The following SLC35E3 variants were observed in gnomAD, a reference collection of about 807,000 sequenced individuals.
SLC35E3 encodes solute carrier family 35 member E3, also known as bladder cancer-overexpressed gene 1 protein.
SLC35E3 carries 28 observed loss-of-function variants against 30.8 expected under a neutral mutation model. That is an observed-to-expected ratio of 0.91 (90% CI 0.67 to 1.25). The LOEUF (loss-of-function observed/expected upper bound fraction) is 1.25. Among genes scored for constraint, SLC35E3 ranks in the 50% most tolerant of loss-of-function variants. The pLI is 0.00. For missense variants in SLC35E3, 365 were observed against 375.4 expected, an observed-to-expected ratio of 0.97 and a Z score of 0.23; for synonymous variants, 146 against 149.2, an observed-to-expected ratio of 0.98 and a Z score of 0.16.
At chr12:68,753,809 T>TACACACACAC (rs1229325376) in intron 3 of SLC35E3, among the ~76,000 whole-genome samples, 22,170 of 148,384 alleles carry the variant, frequency 0.15, 2,016 homozygotes, top group East Asian at 0.28. Flanking sequence ...TATATATCCA[T>TACACACACAC]ACACACACAC....
In SLC35E3 at chr12:68,779,330, TATTTAA is replaced by T. The variant is rs1285307633; in HGVS notation, c.*14448_*14453del. ...AAAAGATTTTTGTTTTCTGTACATT[TATTTAA>T]ATTTAAAAAGTATTTAAGCCATCTT... On this transcript the variant is annotated 3_prime_UTR_variant, in exon 5 of 5. Coordinates refer to ENST00000398004, the MANE Select transcript of SLC35E3 (RefSeq NM_018656.5). 6.6e-6 allele frequency: 1 copy of T among 152,200 alleles called. No individual in the cohort carries two copies. The highest frequency in any genetic ancestry group is 2.4e-5 in the African/African-American group (1 of 41,464). 9.4% of individuals were successfully genotyped at this position (152,200 alleles called of 1,614,324 possible).
intron 3 of SLC35E3, among the ~76,000 whole-genome samples, chr12:68,756,956 A>G (rs1879039612): frequency 1.3e-5 from 2 of 152,242 alleles, no homozygotes; most frequent in Admixed American, 1.3e-4. Context: ...CGGAGCTTGC[A>G]GTGAGCCGAG....
At position 68,768,562 on chromosome 12, in the gene SLC35E3, A is replaced by C. The variant is rs1879518507; in HGVS notation, c.*3672A>C. On this transcript the variant is annotated 3_prime_UTR_variant, in exon 5 of 5. Coordinates refer to ENST00000398004, the MANE Select transcript of SLC35E3 (RefSeq NM_018656.5). ...GAGACAAACCAGATACAGTGCTTTCAAAGAAAACATGCTTGCTGTCCTTTG... is the reference window on the plus strand; with the variant it reads ...GAGACAAACCAGATACAGTGCTTTCCAAGAAAACATGCTTGCTGTCCTTTG... The C allele has an allele frequency of 6.6e-6, 1 of 152,258 alleles. No homozygotes were observed. Among genetic ancestry groups the C allele is most frequent in the African/African-American group, 2.4e-5 (1 of 41,474 alleles). 9.4% of individuals were successfully genotyped at this position (152,258 alleles called of 1,614,324 possible).
At position 68,772,608 on chromosome 12, in the gene SLC35E3, A is replaced by T. The variant is rs1879631942; in HGVS notation, c.*7718A>T. The T allele has an allele frequency of 6.6e-6, 1 of 152,154 alleles. No homozygotes were observed. Among genetic ancestry groups the T allele is most frequent in the Admixed American group, 6.6e-5 (1 of 15,266 alleles). The allele number at this position is 152,154 out of a possible 1,614,324, so 9.4% of individuals were successfully genotyped here. On this transcript the variant is annotated 3_prime_UTR_variant, in exon 5 of 5. Coordinates refer to ENST00000398004, the MANE Select transcript of SLC35E3 (RefSeq NM_018656.5). ...AATTTGGAAAGCAGCATATCACTCAAACTATAGTAATTCACATTTTTCCAT... is the reference window on the plus strand; with the variant it reads ...AATTTGGAAAGCAGCATATCACTCATACTATAGTAATTCACATTTTTCCAT...
rs537917943 is a variant in SLC35E3 at position 68,754,008 on chromosome 12, A to G, written c.672+1818A>G. Among the ~76,000 whole-genome samples, 133 of 151,966 alleles carry G rather than the reference A, an allele frequency of 8.8e-4. 1 individual carries two copies. The highest frequency in any genetic ancestry group is 3.1e-3 in the African/African-American group (129 of 41,468). On this transcript the variant is annotated intron_variant, in intron 3 of 4. Coordinates refer to ENST00000398004, the MANE Select transcript of SLC35E3 (RefSeq NM_018656.5). ...ACTATAGGCGCACACCACCACGCCC[A>G]GCTAATTTTTGTATTTTCAGTAGAG... is the stretch of plus-strand genomic sequence containing the variant.
intron 3 of SLC35E3, among the ~76,000 whole-genome samples, chr12:68,753,910 G>C (rs1240902414): frequency 1.3e-5 from 2 of 151,862 alleles, no homozygotes. Flanking sequence ...GAGTGCAGTG[G>C]TGCAATTCTT....
chr12:68,759,163 GTGC>G lies in SLC35E3; in HGVS notation c.684_686del (p.Leu229del). 2 of 1,610,942 alleles carry G rather than the reference GTGC, an allele frequency of 1.2e-6. No individual in the cohort carries two copies. The highest frequency in any genetic ancestry group is 1.7e-6 in the Non-Finnish European group (2 of 1,177,614). On this transcript the variant is annotated inframe_deletion, in exon 4 of 5. Coordinates refer to ENST00000398004, the MANE Select transcript of SLC35E3 (RefSeq NM_018656.5). ...TCTTTTGGTTTATTTGTAGCTTATG[GTGC>G]TGCTATCTGGAGTAATAGCTTTCAT...
At position 68,776,799 on chromosome 12, in the gene SLC35E3, A is replaced by C. The variant is rs960008991; in HGVS notation, c.*11909A>C. 1 of 152,140 alleles carries C rather than the reference A, an allele frequency of 6.6e-6. No homozygotes were observed. The highest frequency in any genetic ancestry group is 6.6e-5 in the Admixed American group (1 of 15,252). 9.4% of individuals were successfully genotyped at this position (152,140 alleles called of 1,614,324 possible). A position where few individuals can be genotyped will look rare whatever the true frequency, so the allele number is the denominator to read the frequency against. On this transcript the variant is annotated 3_prime_UTR_variant, in exon 5 of 5. Transcript: ENST00000398004. ...GACTGGTCTGGTGGCATGTAGATTC[A>C]TAAATGGCGTCCAAACCTGGAGCTG...
chr12:68,758,626 T>A (rs764254751), intron 3 of SLC35E3, among the ~76,000 whole-genome samples: 1 of 152,040 alleles, frequency 6.6e-6, no homozygotes, highest in Non-Finnish European at 1.5e-5. Context: ...TATTGCAGTA[T>A]TTTTCGTTGA....
At position 68,775,131 on chromosome 12, in the gene SLC35E3, C is replaced by T. The variant is rs1879706210; in HGVS notation, c.*10241C>T. Reference sequence around the variant, plus strand: ...AAAGTGCTGATATTACAGGCGTGAGCAACCATGCCAGCCTGGCTTAGCCAC... The same window carrying T: ...AAAGTGCTGATATTACAGGCGTGAGTAACCATGCCAGCCTGGCTTAGCCAC... On this transcript the variant is annotated 3_prime_UTR_variant, in exon 5 of 5. Transcript: ENST00000398004. 1 of 152,120 alleles carries T rather than the reference C, an allele frequency of 6.6e-6. No homozygotes were observed. Among genetic ancestry groups the T allele is most frequent in the African/African-American group, 2.4e-5 (1 of 41,418 alleles). 9.4% of individuals were successfully genotyped at this position (152,120 alleles called of 1,614,324 possible).
At chr12:68,752,475 G>A (rs528709917) in intron 3 of SLC35E3, among the ~76,000 whole-genome samples, 2 of 152,292 alleles carry the variant, frequency 1.3e-5, no homozygotes, top group East Asian at 3.9e-4. Flanking sequence ...TCAAGCTAGA[G>A]CCCACAAATA....
chr12:68,747,054 A>C (rs1387050026), intron 1 of SLC35E3, among the ~76,000 whole-genome samples: 4 of 152,234 alleles, frequency 2.6e-5, no homozygotes, highest in Non-Finnish European at 5.9e-5. Context: ...TGGGTGGTAC[A>C]GTCCAGTGTT....
chr12:68,746,352 T>A lies in SLC35E3; in HGVS notation c.-26T>A. Reference sequence around the variant, plus strand: ...ACAGGCCCGGCGCCCCTTCCGAGGCTAGACGGCCCCAGCTTCGCGGGGATC... The same window carrying A: ...ACAGGCCCGGCGCCCCTTCCGAGGCAAGACGGCCCCAGCTTCGCGGGGATC... On this transcript the variant is annotated 5_prime_UTR_variant, in exon 1 of 5. Coordinates refer to ENST00000398004, the MANE Select transcript of SLC35E3 (RefSeq NM_018656.5). The A allele has an allele frequency of 1.3e-6, 2 of 1,540,068 alleles. No individual in the cohort carries two copies. The highest frequency in any genetic ancestry group is 2.5e-5 in the South Asian group (2 of 78,992).
At chr12:68,748,084 A>G (rs1878663519) in intron 2 of SLC35E3, 44 bp downstream of exon 2, 3 of 1,107,596 alleles carry the variant, frequency 2.7e-6, no homozygotes, top group Non-Finnish European at 4.1e-6. Flanking sequence ...AGCAGATTTC[A>G]TAAATTTTGA....
intron 3 of SLC35E3, 75 bp from the exon 4 acceptor site, chr12:68,759,082 C>G: frequency 1.8e-6 from 2 of 1,087,106 alleles, no homozygotes; most frequent in South Asian, 1.3e-5. Context: ...TTTAAAATGC[C>G]GAATGAAATG....
rs1477849461 is a variant in SLC35E3 at position 68,780,519 on chromosome 12, C to T, written c.*15629C>T. 7.6e-6 allele frequency: 1 copy of T among 131,878 alleles called. No homozygotes were observed. The highest frequency in any genetic ancestry group is 7.9e-5 in the Admixed American group (1 of 12,612). 8.2% of individuals were successfully genotyped at this position (131,878 alleles called of 1,614,324 possible). ...TTTTTTTTTTGGAGACAGAGTTTCA[C>T]TCTTGTTGCCCAGGCTGGAGTGCAA... On this transcript the variant is annotated 3_prime_UTR_variant, in exon 5 of 5. Transcript: ENST00000398004.
Position 68,746,733 on chromosome 12 carries a change from C to T in SLC35E3, c.356C>T (p.Thr119Ile). The T allele has an allele frequency of 6.2e-7, 1 of 1,605,330 alleles. No homozygotes were observed. Among genetic ancestry groups the T allele is most frequent in the Non-Finnish European group, 8.5e-7 (1 of 1,174,762 alleles). The part of the protein sequence containing the change: ...MTTPVIIAIQ[T>I]FCYQKTFSTR... ...ACGCCGGTGATCATAGCCATCCAGA[C>T]CTTCTGCTACCAGAAAACCTTCTCC... The change falls in exon 1 of 5, where the codon ACC (threonine) becomes ATC (isoleucine). Residue 119 changes from threonine to isoleucine, a missense_variant. Physicochemically the swap from Thr to Ile is moderately conservative, Grantham distance 89. Transcript: ENST00000398004.
rs1879400969 is a variant in SLC35E3 at position 68,766,044 on chromosome 12, TAATA to T, written c.*1157_*1160del. The T allele has an allele frequency of 6.6e-6, 1 of 152,066 alleles. No homozygotes were observed. Among genetic ancestry groups the T allele is most frequent in the Non-Finnish European group, 1.5e-5 (1 of 68,004 alleles). 9.4% of individuals were successfully genotyped at this position (152,066 alleles called of 1,614,324 possible). A position where few individuals can be genotyped will look rare whatever the true frequency, so the allele number is the denominator to read the frequency against. ...TAAATGAAATCTCATTTATAAAGTA[TAATA>T]AAGATGACTGTAAGACAAAATCCAA... On this transcript the variant is annotated 3_prime_UTR_variant, in exon 5 of 5. Transcript: ENST00000398004.
Position 68,769,944 on chromosome 12 carries a change from G to T in SLC35E3, c.*5054G>T, listed in dbSNP as rs1294955747. 1 of 152,136 alleles carries T rather than the reference G, an allele frequency of 6.6e-6. No individual in the cohort carries two copies. The highest frequency in any genetic ancestry group is 1.5e-5 in the Non-Finnish European group (1 of 68,022). 9.4% of individuals were successfully genotyped at this position (152,136 alleles called of 1,614,324 possible). On this transcript the variant is annotated 3_prime_UTR_variant, in exon 5 of 5. Coordinates refer to ENST00000398004, the MANE Select transcript of SLC35E3 (RefSeq NM_018656.5). The stretch of plus-strand genomic sequence containing the variant: ...GACTAATTAAACAAAAACAAGACAA[G>T]AATAATTAAACAGCAAACTCAATGA...
Sources: gnomAD v4.1 joint callset for allele counts (sites outside exome capture counted in the v4.1 genomes callset) on GRCh38, gnomAD v4.1.1 for gene constraint, MANE v1.5 for transcripts, NCBI Gene and HGNC (gene_info 2026-07-23, HGNC 2026-07-21) for gene names.